SH3GL3: variants seen among roughly 807,000 people sequenced by gnomAD.
The protein encoded by SH3GL3 is endophilin-A3.
A neutral mutation model predicts 47.7 loss-of-function variants in SH3GL3; 33 were observed. The observed-to-expected ratio is 0.69, with a 90% confidence interval of 0.52 to 0.92. The LOEUF is 0.92. Ranked by LOEUF, SH3GL3 falls within the 40% of genes least tolerant of loss-of-function variation. The pLI, the probability that SH3GL3 is intolerant of heterozygous loss-of-function variation, is 0.00. For synonymous variants in SH3GL3, 155 were observed against 148.8 expected, an observed-to-expected ratio of 1.04 and a Z score of -0.30; for missense variants, 363 against 417.8, an observed-to-expected ratio of 0.87 and a Z score of 1.14.
intron 1 of SH3GL3, among the ~76,000 whole-genome samples, chr15:83,456,417 A>G (rs1316051275): frequency 1.1e-3 from 63 of 57,050 alleles, no homozygotes; most frequent in African/African-American, 3.0e-3. Flanking sequence ...CCTCGTTGCC[A>G]CCTTGCAGTT....
chr15:83,510,497 G>C (rs1183036900), intron 1 of SH3GL3, among the ~76,000 whole-genome samples: 1 of 152,148 alleles, frequency 6.6e-6, no homozygotes, highest in Non-Finnish European at 1.5e-5. Flanking sequence ...GTTTGCCACA[G>C]ACATTGCCTG....
At chr15:83,608,334 A>C (rs958309365) in intron 8 of SH3GL3, among the ~76,000 whole-genome samples, 1 of 152,174 alleles carries the variant, frequency 6.6e-6, no homozygotes, top group Non-Finnish European at 1.5e-5. Context: ...ATCAGGACCC[A>C]AAGATGACCT....
intron 1 of SH3GL3, among the ~76,000 whole-genome samples, chr15:83,494,441 C>A (rs2041998592): frequency 6.6e-6 from 1 of 152,184 alleles, no homozygotes; most frequent in African/African-American, 2.4e-5. Flanking sequence ...GCAAGTTCTT[C>A]TCTCCTTCTG....
At chr15:83,478,016 C>A (rs2041176866) in intron 1 of SH3GL3, among the ~76,000 whole-genome samples, 1 of 151,978 alleles carries the variant, frequency 6.6e-6, no homozygotes, top group Non-Finnish European at 1.5e-5. Flanking sequence ...TCTTTGGGGA[C>A]ACTTTCAGCA....
At chr15:83,526,358 T>C (rs1250155552) in intron 1 of SH3GL3, among the ~76,000 whole-genome samples, 1 of 152,176 alleles carries the variant, frequency 6.6e-6, no homozygotes, top group Non-Finnish European at 1.5e-5. Flanking sequence ...TAAAGACACA[T>C]GCACACATAT....
chr15:83,541,272 C>G (rs1166810864), intron 1 of SH3GL3, among the ~76,000 whole-genome samples: 2 of 122,332 alleles, frequency 1.6e-5, no homozygotes, highest in Non-Finnish European at 3.3e-5. Context: ...TTCCTGTCTT[C>G]TTTCCTAGCA....
intron 1 of SH3GL3, among the ~76,000 whole-genome samples, chr15:83,457,731 A>T (rs2040067816): frequency 6.6e-6 from 1 of 152,208 alleles, no homozygotes; most frequent in South Asian, 2.1e-4. Flanking sequence ...TCCTTTTCAC[A>T]TAGATTGCTT....
rs550657630 is a variant in SH3GL3 at position 83,447,998 on chromosome 15, T to C, written c.45+420T>C. ...GGAGAGCCTCGTGGGGGGCCCATCC[T>C]CCACCGGCCACCGGCGCCTCCAGAG... On this transcript the variant is annotated intron_variant, in intron 1 of 8. Coordinates refer to ENST00000427482, the MANE Select transcript of SH3GL3 (RefSeq NM_003027.5). This position sits in a 1 kb window ranked among gnomAD's most constrained non-coding sequence, Gnocchi z 5.1. Among the ~76,000 whole-genome samples, 8 of 152,218 alleles carry C rather than the reference T, an allele frequency of 5.3e-5. No individual in the cohort carries two copies. Among genetic ancestry groups the C allele is most frequent in the African/African-American group, 1.9e-4 (8 of 41,566 alleles).
chr15:83,561,691 A>T (rs983176535), intron 2 of SH3GL3, among the ~76,000 whole-genome samples: 3 of 152,186 alleles, frequency 2.0e-5, no homozygotes, highest in Admixed American at 2.0e-4. Context: ...GAAAAAGGAA[A>T]AACACAAACA....
chr15:83,468,358 A>G (rs923667440), intron 1 of SH3GL3, among the ~76,000 whole-genome samples: 1 of 151,910 alleles, frequency 6.6e-6, no homozygotes, highest in African/African-American at 2.4e-5. Context: ...TAGGCTATTT[A>G]TTTTCTTGCC....
chr15:83,506,275 TA>T (rs1341616981), intron 1 of SH3GL3, among the ~76,000 whole-genome samples: 1 of 152,256 alleles, frequency 6.6e-6, no homozygotes, highest in East Asian at 1.9e-4. Flanking sequence ...GCTTTGGTTA[TA>T]ACATTTTTTT....
intron 8 of SH3GL3, among the ~76,000 whole-genome samples, chr15:83,617,556 G>A (rs2060857352): frequency 6.6e-6 from 1 of 152,144 alleles, no homozygotes; most frequent in Non-Finnish European, 1.5e-5. Context: ...CATGCCTGTA[G>A]TCCCAGCTGC....
chr15:83,630,728 C>G, the SH3GL3 span, among the ~76,000 whole-genome samples: 20 of 152,144 alleles, frequency 1.3e-4, no homozygotes, highest in African/African-American at 4.8e-4. Flanking sequence ...ACCTCCTACC[C>G]GGTCCCTCCC....
At chr15:83,540,046 T>G (rs2172188) in intron 1 of SH3GL3, among the ~76,000 whole-genome samples, 19,920 of 152,176 alleles carry the variant, frequency 0.13, 1,393 homozygotes, top group Middle Eastern at 0.19. Context: ...ATTCCTTATT[T>G]AAAAATATTC....
At chr15:83,548,850 C>T (rs1185668526) in intron 1 of SH3GL3, among the ~76,000 whole-genome samples, 1 of 151,994 alleles carries the variant, frequency 6.6e-6, no homozygotes, top group Non-Finnish European at 1.5e-5. Flanking sequence ...TATTGTCCAT[C>T]TCCTCTTCAA....
chr15:83,498,969 C>T (rs1457224867), intron 1 of SH3GL3, among the ~76,000 whole-genome samples: 4 of 152,150 alleles, frequency 2.6e-5, no homozygotes, highest in Admixed American at 2.6e-4. Flanking sequence ...GCTTCTCCTC[C>T]ACCTCCTTCT....
intron 1 of SH3GL3, among the ~76,000 whole-genome samples, chr15:83,509,293 G>A (rs1156585444): frequency 6.6e-6 from 1 of 152,190 alleles, no homozygotes; most frequent in Non-Finnish European, 1.5e-5. Flanking sequence ...TCTGGGGAGC[G>A]CGTTCTTGGA....
At chr15:83,559,423 T>C in intron 2 of SH3GL3, 102 bp downstream of exon 2, 2 of 739,650 alleles carry the variant, frequency 2.7e-6, no homozygotes, top group Non-Finnish European at 4.8e-6. Context: ...TCTAGGATGT[T>C]TAAATATAGG....
At position 83,490,499 on chromosome 15, in the gene SH3GL3, A is replaced by G. The variant is rs536872791; in HGVS notation, c.45+42921A>G. 2.6e-5 allele frequency among the ~76,000 whole-genome samples: 4 copies of G among 152,210 alleles called. No individual in the cohort carries two copies. The South Asian group carries it at 8.3e-4, about 32-fold the overall frequency. On this transcript the variant is annotated intron_variant, in intron 1 of 8. Coordinates refer to ENST00000427482, the MANE Select transcript of SH3GL3 (RefSeq NM_003027.5). The stretch of plus-strand genomic sequence containing the variant: ...AGGAAATGTTATTTGTGAGTCTGAA[A>G]TATCCACCAAGGGCAGAGGGTGCTC...
Sources: allele counts gnomAD v4.1 joint callset (sites outside exome capture counted in the v4.1 genomes callset), GRCh38; gene constraint gnomAD v4.1.1; non-coding constraint Gnocchi (gnomAD v3.1); transcripts MANE v1.5; gene names NCBI Gene and HGNC (gene_info 2026-07-23, HGNC 2026-07-21).